The following THOC7 variants were observed in gnomAD, a reference collection of about 807,000 sequenced individuals.
THOC7 encodes THO complex subunit 7.
Under a neutral mutation model 33.1 loss-of-function variants are expected in THOC7, and 22 were observed. The ratio of observed to expected loss-of-function variants is 0.66; its 90% CI spans 0.47 to 0.95. THOC7 has a LOEUF of 0.95. Ranked by LOEUF, THOC7 falls within the 40% of genes least tolerant of loss-of-function variation. The probability of loss-of-function intolerance (pLI) is 0.00; values close to 1 mark genes in which losing one functional copy is unlikely to be tolerated. For synonymous variants in THOC7, 77 were observed against 76.8 expected, an observed-to-expected ratio of 1.00 and a Z score of -0.01; for missense variants, 184 against 245.3, an observed-to-expected ratio of 0.75 and a Z score of 1.67.
At chr3:63,835,471 G>C (rs773545308) in intron 5 of THOC7, 81 bp from the exon 6 acceptor site, 37 of 1,279,406 alleles carry the variant, frequency 2.9e-5, no homozygotes, top group Non-Finnish European at 3.5e-5. Context: ...TAAGTTACTA[G>C]ATAGGATTTT....
intron 1 of THOC7, 123 bp downstream of exon 1, chr3:63,863,649 G>C (rs1283928652): frequency 1.6e-6 from 2 of 1,215,872 alleles, no homozygotes; most frequent in East Asian, 6.7e-5. Flanking sequence ...GAAGGCCGAA[G>C]CGCTCTGGCG....
intron 1 of THOC7, among the ~76,000 whole-genome samples, chr3:63,845,314 G>T (rs1347292766): frequency 6.6e-6 from 1 of 152,190 alleles, no homozygotes; most frequent in African/African-American, 2.4e-5. Flanking sequence ...GTTCATAGTG[G>T]CTGACAAGTC....
At chr3:63,839,920 G>T in intron 1 of THOC7, 147 bp from the exon 2 acceptor site, 1 of 616,386 alleles carries the variant, frequency 1.6e-6, no homozygotes, top group African/African-American at 1.9e-5. Flanking sequence ...CTTAAAAATG[G>T]CTAGCTAAAA....
chr3:63,844,390 G>A (rs1296048634), intron 1 of THOC7, among the ~76,000 whole-genome samples: 4 of 152,104 alleles, frequency 2.6e-5, no homozygotes, highest in African/African-American at 9.7e-5. Context: ...AACTCTGTGA[G>A]GTAATGCATT....
intron 1 of THOC7, chr3:63,861,789 GTGTGT>G (rs930694273): frequency 2.0e-5 from 2 of 100,786 alleles, no homozygotes; most frequent in Non-Finnish European, 4.3e-5. Flanking sequence ...GTATGTGTGT[GTGTGT>G]TTTTTTTTTT....
chr3:63,847,089 T>C (rs1339439039), intron 1 of THOC7, among the ~76,000 whole-genome samples: 1 of 152,062 alleles, frequency 6.6e-6, no homozygotes, highest in East Asian at 1.9e-4. Flanking sequence ...CGTAGGCGAA[T>C]AGGAAGTACC....
At chr3:63,841,932 A>AT (rs973644166) in intron 1 of THOC7, among the ~76,000 whole-genome samples, 15 of 152,012 alleles carry the variant, frequency 9.9e-5, no homozygotes, top group Admixed American at 2.0e-4. Flanking sequence ...AAGAAATACC[A>AT]TTTTTTTTGC....
In THOC7 at chr3:63,842,936, C is replaced by T. The variant is rs548159977; in HGVS notation, c.20-3163G>A. Among the ~76,000 whole-genome samples the T allele has an allele frequency of 1.1e-4, 16 of 152,056 alleles. 1 individual carries two copies. The highest frequency in any genetic ancestry group is 3.6e-4 in the African/African-American group (15 of 41,492). Reference sequence around the variant, plus strand: ...AGCTGTGACTACACATGCAGGCCATCATGCCTAGCTAATTTTTGTATTTTT... The same window carrying T: ...AGCTGTGACTACACATGCAGGCCATTATGCCTAGCTAATTTTTGTATTTTT... On this transcript the variant is annotated intron_variant, in intron 1 of 7. Coordinates refer to ENST00000295899, the MANE Select transcript of THOC7 (RefSeq NM_025075.4).
chr3:63,857,300 T>C (rs1367134804), intron 1 of THOC7, among the ~76,000 whole-genome samples: 1 of 152,196 alleles, frequency 6.6e-6, no homozygotes, highest in African/African-American at 2.4e-5. Flanking sequence ...AACTGGGTGG[T>C]AAACTTATTT....
chr3:63,862,257 C>A (rs972751519), intron 1 of THOC7, among the ~76,000 whole-genome samples: 1 of 152,192 alleles, frequency 6.6e-6, no homozygotes, highest in Non-Finnish European at 1.5e-5. Flanking sequence ...CAAGTGGCTA[C>A]CAACCCAGAA....
At chr3:63,843,568 T>C (rs899861339) in intron 1 of THOC7, among the ~76,000 whole-genome samples, 1 of 152,110 alleles carries the variant, frequency 6.6e-6, no homozygotes, top group African/African-American at 2.4e-5. Flanking sequence ...AGCCAAGGTA[T>C]GGAATCAATT....
chr3:63,855,072 T>C (rs544095070), intron 1 of THOC7, among the ~76,000 whole-genome samples: 1 of 152,126 alleles, frequency 6.6e-6, no homozygotes, highest in South Asian at 2.1e-4. Context: ...GTGAGTAATA[T>C]GACCACACAT....
intron 4 of THOC7, among the ~76,000 whole-genome samples, chr3:63,837,311 A>C (rs1701655750): frequency 6.6e-6 from 1 of 150,900 alleles, no homozygotes; most frequent in Non-Finnish European, 1.5e-5. Context: ...TTTTCATATC[A>C]ATGTAACAGT....
At chr3:63,838,128 C>T (rs559010509) in intron 3 of THOC7, 66 bp from the exon 4 acceptor site, 20 of 1,427,878 alleles carry the variant, frequency 1.4e-5, no homozygotes, top group African/African-American at 1.2e-4. Context: ...AATTTTAAAA[C>T]GCATTTATAA....
At chr3:63,842,851 G>A (rs1433824998) in intron 1 of THOC7, among the ~76,000 whole-genome samples, 3 of 152,060 alleles carry the variant, frequency 2.0e-5, no homozygotes, top group African/African-American at 7.2e-5. Flanking sequence ...GCATGATCTC[G>A]GCTCACTGCA....
intron 1 of THOC7, among the ~76,000 whole-genome samples, chr3:63,856,778 C>T (rs1198115709): frequency 3.3e-5 from 5 of 151,626 alleles, no homozygotes; most frequent in African/African-American, 9.7e-5. Flanking sequence ...GAGTGCGTGG[C>T]GCTATCTCGG....
At chr3:63,861,045 C>T (rs1702200689) in intron 1 of THOC7, 1 of 152,216 alleles carries the variant, frequency 6.6e-6, no homozygotes, top group Admixed American at 6.5e-5. Context: ...TAAAACAACT[C>T]TGACATTAAT....
chr3:63,849,327 G>A lies in THOC7; in HGVS notation c.20-9554C>T, dbSNP rs151086125. Among the ~76,000 whole-genome samples the A allele has an allele frequency of 8.1e-3, 1,241 of 152,308 alleles. 6 individuals carry two copies. The highest frequency in any genetic ancestry group is 0.011 in the Non-Finnish European group (721 of 68,018). On this transcript the variant is annotated intron_variant, in intron 1 of 7. Transcript: ENST00000295899. ...TGCTTGAACCCAGGAGGCGGAGGTT[G>A]CAGCGGGCCAAGACTGCGTCACTGC...
chr3:63,847,101 C>A (rs1401519261), intron 1 of THOC7, among the ~76,000 whole-genome samples: 1 of 152,026 alleles, frequency 6.6e-6, no homozygotes, highest in Non-Finnish European at 1.5e-5. Flanking sequence ...GGAAGTACCA[C>A]CACTTGTGCA....
Sources: gnomAD v4.1 joint callset for allele counts (sites outside exome capture counted in the v4.1 genomes callset) on GRCh38, gnomAD v4.1.1 for gene constraint, MANE v1.5 for transcripts, NCBI Gene and HGNC (gene_info 2026-07-23, HGNC 2026-07-21) for gene names.